The following RAB2A variants were observed in gnomAD, a reference collection of about 807,000 sequenced individuals.
RAB2A encodes the protein ras-related protein Rab-2A.
In RAB2A, 7 loss-of-function variants were observed where a neutral mutation model predicts 32.5. The observed-to-expected ratio is 0.22, with a 90% CI of 0.12 to 0.40. RAB2A has a LOEUF of 0.40. Ranked by LOEUF, RAB2A falls within the 10% of genes least tolerant of loss-of-function variation. The pLI is 1.00. For synonymous variants in RAB2A, 79 were observed against 85.2 expected (o/e 0.93, Z 0.40); for missense variants, 108 against 260.7 (o/e 0.41, Z 4.03).
At chr8:60,593,575 C>G (rs1025561334) in intron 6 of RAB2A, among the ~76,000 whole-genome samples, 4 of 152,160 alleles carry the variant, frequency 2.6e-5, no homozygotes, top group African/African-American at 9.7e-5. Context: ...TAGCACCCTA[C>G]CACCACCATT....
At chr8:60,559,727 T>G (rs1000939637) in intron 2 of RAB2A, among the ~76,000 whole-genome samples, 1 of 152,246 alleles carries the variant, frequency 6.6e-6, no homozygotes, top group Non-Finnish European at 1.5e-5. Context: ...TAGTCAAATA[T>G]GAAGACGAGA....
Position 60,529,754 on chromosome 8 carries a change from T to C in RAB2A, c.46+12501T>C, listed in dbSNP as rs528060237. Among the ~76,000 whole-genome samples, 3 of 152,330 alleles carry C rather than the reference T, an allele frequency of 2.0e-5. No homozygotes were observed. In the East Asian group the frequency reaches 5.8e-4, roughly 29 times the overall value. ...TCTGTTGTTTGACTATACTGCAGTT[T>C]TCTCCATTCTTTCACTTATGGACAT... On this transcript the variant is annotated intron_variant, in intron 1 of 7. Transcript: ENST00000262646.
At chr8:60,538,240 C>T (rs903733283) in intron 1 of RAB2A, among the ~76,000 whole-genome samples, 5 of 152,200 alleles carry the variant, frequency 3.3e-5, no homozygotes, top group Non-Finnish European at 7.4e-5. Flanking sequence ...CACTTGAAGA[C>T]AAACTATGTC....
intron 1 of RAB2A, among the ~76,000 whole-genome samples, chr8:60,556,360 G>C (rs1232192875): frequency 2.0e-5 from 3 of 152,004 alleles, no homozygotes; most frequent in Non-Finnish European, 4.4e-5. Flanking sequence ...GAGGATTTTT[G>C]AATGTTACCA....
chr8:60,593,260 G>C (rs1803970729), intron 6 of RAB2A, among the ~76,000 whole-genome samples: 1 of 152,186 alleles, frequency 6.6e-6, no homozygotes, highest in African/African-American at 2.4e-5. Context: ...AGATGGCATA[G>C]CCTACTACTG....
intron 1 of RAB2A, among the ~76,000 whole-genome samples, chr8:60,549,841 T>C (rs936509093): frequency 6.6e-6 from 1 of 151,812 alleles, no homozygotes; most frequent in Non-Finnish European, 1.5e-5. Flanking sequence ...TGTTTTTTGG[T>C]AAAGATTTAA....
intron 3 of RAB2A, among the ~76,000 whole-genome samples, chr8:60,572,343 C>T (rs1244035977): frequency 2.0e-5 from 3 of 152,036 alleles, no homozygotes; most frequent in Non-Finnish European, 2.9e-5. Context: ...TGAATGTTCA[C>T]GTTATGTGGT....
chr8:60,578,216 C>T (rs1803675036), intron 3 of RAB2A, among the ~76,000 whole-genome samples: 1 of 152,142 alleles, frequency 6.6e-6, no homozygotes, highest in African/African-American at 2.4e-5. Flanking sequence ...TATAAATATA[C>T]TCTAGTACTC....
At chr8:60,523,535 C>CTTTT (rs1184143163) in intron 1 of RAB2A, among the ~76,000 whole-genome samples, 1 of 152,140 alleles carries the variant, frequency 6.6e-6, no homozygotes, top group East Asian at 1.9e-4. Context: ...TCCTCCCCTG[C>CTTTT]TTTTCTTCAT....
chr8:60,622,737 A>G lies in RAB2A; in HGVS notation c.*1968A>G, dbSNP rs1804548825. On this transcript the variant is annotated 3_prime_UTR_variant, in exon 8 of 8. Coordinates refer to ENST00000262646, the MANE Select transcript of RAB2A (RefSeq NM_002865.3). ...ACCAGGACATGCATTTTAATACCCT[A>G]AGGAAAAATGGAACCCTCAAATATA... 6.6e-6 allele frequency: 1 copy of G among 152,228 alleles called. No homozygotes were observed. Among genetic ancestry groups the G allele is most frequent in the African/African-American group, 2.4e-5 (1 of 41,456 alleles). 9.4% of individuals were successfully genotyped at this position (152,228 alleles called of 1,614,324 possible).
At chr8:60,581,419 G>A (rs1027596004) in intron 3 of RAB2A, among the ~76,000 whole-genome samples, 2 of 152,156 alleles carry the variant, frequency 1.3e-5, no homozygotes, top group Non-Finnish European at 2.9e-5. Context: ...CCAGCAGGAC[G>A]GAGCAGCAGG....
At chr8:60,538,127 T>G (rs1362234881) in intron 1 of RAB2A, among the ~76,000 whole-genome samples, 1 of 152,248 alleles carries the variant, frequency 6.6e-6, no homozygotes, top group Non-Finnish European at 1.5e-5. Flanking sequence ...GCTATTAGAT[T>G]TAATACCTCT....
chr8:60,518,691 A>G (rs1467758095), intron 1 of RAB2A, among the ~76,000 whole-genome samples: 2 of 147,928 alleles, frequency 1.4e-5, no homozygotes, highest in African/African-American at 2.5e-5. Context: ...AGGTTTTCTG[A>G]TGCGTGCGTG....
At position 60,521,914 on chromosome 8, in the gene RAB2A, G is replaced by A. The variant is rs529495637; in HGVS notation, c.46+4661G>A. 2.5e-4 allele frequency among the ~76,000 whole-genome samples: 38 copies of A among 152,298 alleles called. No individual in the cohort carries two copies. The South Asian group carries it at 4.8e-3, about 19-fold the overall frequency. ...TGGGATTACAGGTGTGAGCCACCGC[G>A]GCAAGGCAGCATTTGTTTCTTTGAT... is the stretch of plus-strand genomic sequence containing the variant. On this transcript the variant is annotated intron_variant, in intron 1 of 7. Transcript: ENST00000262646.
chr8:60,583,398 T>TA (rs148126945), intron 3 of RAB2A, among the ~76,000 whole-genome samples: 12,426 of 152,038 alleles, frequency 0.082, 1,547 homozygotes, highest in African/African-American at 0.27. Flanking sequence ...CAGCAATTCT[T>TA]AAAAAAACAG....
At position 60,566,593 on chromosome 8, in the gene RAB2A, G is replaced by A. The variant is rs1331843859; in HGVS notation, c.119-5453G>A. ...TGCATTCTATTTGGTATGTGGTCAT[G>A]TATATCATTTTCTTTTTTTAAATTT... On this transcript the variant is annotated intron_variant, in intron 2 of 7. Coordinates refer to ENST00000262646, the MANE Select transcript of RAB2A (RefSeq NM_002865.3). Among the ~76,000 whole-genome samples the A allele has an allele frequency of 2.6e-5, 4 of 152,030 alleles. No homozygotes were observed. In the South Asian group the frequency reaches 8.3e-4, roughly 31 times the overall value.
intron 6 of RAB2A, among the ~76,000 whole-genome samples, chr8:60,615,649 T>C (rs1804436897): frequency 6.6e-6 from 1 of 152,198 alleles, no homozygotes; most frequent in African/African-American, 2.4e-5. Context: ...CCCAAGGCTC[T>C]TACCTTAGAA....
At chr8:60,565,417 C>CAA (rs34983530) in intron 2 of RAB2A, among the ~76,000 whole-genome samples, 28,454 of 111,046 alleles carry the variant, frequency 0.26, 3,412 homozygotes, top group Middle Eastern at 0.41. Context: ...AGACCTGCCT[C>CAA]AAAAAAAAAA....
intron 6 of RAB2A, among the ~76,000 whole-genome samples, chr8:60,609,140 A>G (rs1337620267): frequency 2.0e-5 from 3 of 152,064 alleles, no homozygotes; most frequent in Non-Finnish European, 4.4e-5. Flanking sequence ...CCAACCCCTC[A>G]CACCATATGC....
Sources: gnomAD v4.1 joint callset for allele counts (sites outside exome capture counted in the v4.1 genomes callset) on GRCh38, gnomAD v4.1.1 for gene constraint, MANE v1.5 for transcripts, NCBI Gene and HGNC (gene_info 2026-07-23, HGNC 2026-07-21) for gene names.